SYTL2: variants seen among roughly 807,000 people sequenced by gnomAD.
SYTL2 encodes the protein synaptotagmin like 2.
A neutral mutation model predicts 198.7 loss-of-function variants in SYTL2; 165 were observed. That is an observed-to-expected ratio of 0.83 (90% CI 0.73 to 0.94). The LOEUF (loss-of-function observed/expected upper bound fraction) is 0.94, where lower values mean the gene tolerates loss of function less well. Ranked by LOEUF, SYTL2 falls within the 40% of genes least tolerant of loss-of-function variation. The pLI, the probability that SYTL2 is intolerant of heterozygous loss-of-function variation, is 0.00. For synonymous variants in SYTL2, 966 were observed against 917.7 expected (o/e 1.05, Z -0.95); for missense variants, 2,835 against 2,582.8 (o/e 1.10, Z -2.12).
chr11:85,724,879 C>T lies in SYTL2; in HGVS notation c.4479G>A (p.Glu1493=), dbSNP rs114315885. 6.0e-5 allele frequency: 97 copies of T among 1,614,132 alleles called. No individual in the cohort carries two copies. In the East Asian group the frequency reaches 2.0e-3, roughly 34 times the overall value. ...CTAAGCCAGCACTGAATTCGAGGAA[C>T]TCTGATTTGGGTTGAACAATTGTTT... ...VRETIVQPKS[E]FLEFSAGLEK... is the part of the protein sequence containing the mutation. The change falls in exon 8 of 20, where the codon GAG becomes GAA. Residue 1493 remains glutamate (E), a synonymous_variant. Transcript: ENST00000359152.
chr11:85,804,318 G>A (rs1001353870), intron 1 of SYTL2, among the ~76,000 whole-genome samples: 2 of 152,142 alleles, frequency 1.3e-5, no homozygotes, highest in African/African-American at 2.4e-5. Context: ...TTGCAGCTTC[G>A]TACGTAATTT....
At chr11:85,816,351 T>G in the SYTL2 span, among the ~76,000 whole-genome samples, 9 of 152,264 alleles carry the variant, frequency 5.9e-5, no homozygotes, top group Non-Finnish European at 1.2e-4. Context: ...GAACAGATTT[T>G]GTTATTTTGT....
At chr11:85,853,389 G>A in the SYTL2 span, 2 of 432,034 alleles carry the variant, frequency 4.6e-6, no homozygotes, top group South Asian at 1.6e-5. Flanking sequence ...TGAAACATGT[G>A]CTGTGTCCAC....
At chr11:85,810,247 T>C (rs1359059307) in intron 1 of SYTL2, among the ~76,000 whole-genome samples, 1 of 152,020 alleles carries the variant, frequency 6.6e-6, no homozygotes, top group African/African-American at 2.4e-5. Flanking sequence ...AGAAGAACTT[T>C]TCATTAAGGC....
At position 85,705,038 on chromosome 11, in the gene SYTL2, A is replaced by T. The variant is rs2084912611; in HGVS notation, c.6019-10T>A. On this transcript the variant is annotated splice_polypyrimidine_tract_variant and intron_variant, in intron 15 of 19. Coordinates refer to ENST00000359152, the MANE Select transcript of SYTL2 (RefSeq NM_206927.4). The stretch of plus-strand genomic sequence containing the variant: ...GTTTTTCAATTTTATACTGAAGTTC[A>T]AAGAAGAAAATTAAATGATGAAAAA... 6.3e-7 allele frequency: 1 copy of T among 1,593,840 alleles called. No individual in the cohort carries two copies.
intron 12 of SYTL2, among the ~76,000 whole-genome samples, chr11:85,712,695 TAC>T (rs200738930): frequency 0.044 from 6,426 of 145,230 alleles, 226 homozygotes; most frequent in African/African-American, 0.099. Flanking sequence ...AAAATACATA[TAC>T]ACACACACAC....
chr11:85,700,573 T>C lies in SYTL2; in HGVS notation c.6210A>G (p.Glu2070=). The change falls in exon 17 of 20, where the codon GAA becomes GAG. Residue 2070 remains glutamate, a synonymous_variant. Coordinates refer to ENST00000359152, the MANE Select transcript of SYTL2 (RefSeq NM_206927.4). ...LKRKTAPVAL[E]AENRGEMKLA... ...GTTTCATTTCACCTCTGTTTTCTGC[T>C]TCAAGGGCAACTGGTGCTGTCTGAA... The C allele has an allele frequency of 5.0e-6, 8 of 1,614,010 alleles. No individual in the cohort carries two copies. In the East Asian group the frequency reaches 1.8e-4, roughly 36 times the overall value.
intron 1 of SYTL2, among the ~76,000 whole-genome samples, chr11:85,803,430 G>C (rs1281339145): frequency 6.6e-6 from 1 of 152,142 alleles, no homozygotes; most frequent in Non-Finnish European, 1.5e-5. Context: ...CTAGTCCTGG[G>C]TGGTGCTGCT....
Position 85,718,809 on chromosome 11 carries a change from T to G in SYTL2, c.5463A>C (p.Leu1821Phe), listed in dbSNP as rs114609010. The G allele has an allele frequency of 1.9e-6, 3 of 1,613,942 alleles. No homozygotes were observed. The highest frequency in any genetic ancestry group is 2.5e-6 in the Non-Finnish European group (3 of 1,179,868). ...ATTTACCATCTTCAGCACTACGCACTAATTCTTCTGGCTGATTATCTACTT... is the reference window on the plus strand; with the variant it reads ...ATTTACCATCTTCAGCACTACGCACGAATTCTTCTGGCTGATTATCTACTT... ...QAKVDNQPEE[L>F]VRSAEDDEKP... is the part of the protein sequence containing the mutation. Residue 1821 changes from leucine to phenylalanine, a missense_variant, in exon 10 of 20, where the codon TTA (leucine) becomes TTC (phenylalanine). Transcript: ENST00000359152.
In SYTL2 at chr11:85,726,379, A is replaced by C; in HGVS notation, c.2979T>G (p.Ala993=). The C allele has an allele frequency of 1.2e-6, 2 of 1,613,722 alleles. No individual in the cohort carries two copies. The highest frequency in any genetic ancestry group is 2.2e-5 in the East Asian group (1 of 44,878). ...ENLRKFWDLE[A]NSNSKDNDKN... ...TGTCATTATCCTTACTGTTTGAATT[A>C]GCTTCTAAGTCCCAAAACTTTCTCA... The change falls in exon 8 of 20, where the codon GCT becomes GCG. Residue 993 remains alanine, a synonymous_variant. Transcript: ENST00000359152.
chr11:85,727,486 TGG>T lies in SYTL2; in HGVS notation c.1870_1871del (p.Pro624LysfsTer11), dbSNP rs779083224. 2 of 1,536,000 alleles carry T rather than the reference TGG, an allele frequency of 1.3e-6. No homozygotes were observed. The highest frequency in any genetic ancestry group is 8.7e-7 in the Non-Finnish European group (1 of 1,146,906). ...GTTGCAATATACCTGGGCCTTCCTT[TGG>T]GGTGCCTTTTTGGGACAAATTCATG... is the stretch of plus-strand genomic sequence containing the variant. ...KFMNLSQKGT[P>X]KEGPGILQPF... is the part of the protein sequence containing the mutation. On this transcript the variant is annotated frameshift_variant, in exon 8 of 20. Coordinates refer to ENST00000359152, the MANE Select transcript of SYTL2 (RefSeq NM_206927.4). LOFTEE classifies it high-confidence loss of function.
At chr11:85,708,058 G>C (rs528927959) in intron 14 of SYTL2, 5 of 395,088 alleles carry the variant, frequency 1.3e-5, no homozygotes, top group Admixed American at 3.2e-5. Flanking sequence ...AGCTAGTCAG[G>C]AGGCTGAGGC....
At chr11:85,833,043 GA>G in the SYTL2 span, among the ~76,000 whole-genome samples, 1 of 23,008 alleles carries the variant, frequency 4.3e-5, no homozygotes, top group Non-Finnish European at 8.2e-5. Context: ...AAGAAAGAAA[GA>G]AAGAAAGAAA....
the SYTL2 span, among the ~76,000 whole-genome samples, chr11:85,823,901 TAGTC>T: frequency 6.6e-6 from 1 of 152,240 alleles, no homozygotes; most frequent in Admixed American, 6.5e-5. Context: ...ATGCTGTGGT[TAGTC>T]AGGTTGAACT....
At position 85,725,109 on chromosome 11, in the gene SYTL2, T is replaced by C; in HGVS notation, c.4249A>G (p.Ile1417Val). The stretch of plus-strand genomic sequence containing the variant: ...GTGTCCATCGTAGCCCATGGTGATA[T>C]CACTCCTGGAGGATTTAGGGGGCTA... ...VCSPLNPPGV[I>V]SPWATMDTIV... The change falls in exon 8 of 20, where the codon ATA becomes GTA. Residue 1417 changes from isoleucine (I) to valine (V), a missense_variant. Ile to Val is a conservative substitution (Grantham distance 29, BLOSUM62 3). Around this residue, in one of 3 missense-constraint regions of SYTL2, gnomAD observed 2,645 missense variants for 2,381.7 expected, o/e 1.11. Transcript: ENST00000359152. The C allele has an allele frequency of 6.2e-7, 1 of 1,614,162 alleles. No homozygotes were observed.
At chr11:85,783,439 C>G (rs888559947) in intron 1 of SYTL2, among the ~76,000 whole-genome samples, 6 of 152,044 alleles carry the variant, frequency 3.9e-5, no homozygotes, top group Non-Finnish European at 7.4e-5. Flanking sequence ...GGGGACATAG[C>G]CAAACCATAT....
rs773658113 is a variant in SYTL2, at chr11:85,745,749, T to C, written c.277A>G (p.Asn93Asp). ...IAAEQSKDRE[N>D]GAKESWVNNV... ...TTCACCCAGCTTTCCTTTGCCCCATTTTCTCTGTCTTTACTCTGCTCAGCT... is the reference window on the plus strand; with the variant it reads ...TTCACCCAGCTTTCCTTTGCCCCATCTTCTCTGTCTTTACTCTGCTCAGCT... The change falls in exon 4 of 20, where the codon AAT becomes GAT. Residue 93 changes from asparagine (N) to aspartate (D), a missense_variant. By Grantham distance (23) the Asn-to-Asp change is conservative. Around this residue, in one of 3 missense-constraint regions of SYTL2, gnomAD observed 2,645 missense variants for 2,381.7 expected, o/e 1.11. Coordinates refer to ENST00000359152, the MANE Select transcript of SYTL2 (RefSeq NM_206927.4). The C allele has an allele frequency of 3.1e-6, 5 of 1,613,396 alleles. No homozygotes were observed. Among genetic ancestry groups the C allele is most frequent in the Non-Finnish European group, 4.2e-6 (5 of 1,179,548 alleles).
At chr11:85,761,394 A>G (rs2092093032) in intron 1 of SYTL2, among the ~76,000 whole-genome samples, 1 of 152,128 alleles carries the variant, frequency 6.6e-6, no homozygotes, top group Non-Finnish European at 1.5e-5. Flanking sequence ...CTGAGGTGGG[A>G]GTTGTCTGGC....
chr11:85,792,417 G>T (rs7123846), intron 1 of SYTL2, among the ~76,000 whole-genome samples: 65,437 of 151,752 alleles, frequency 0.43, 15,155 homozygotes, highest in African/African-American at 0.58. Flanking sequence ...ATTAACTTTG[G>T]AGCCCATTTA....
Sources: allele counts gnomAD v4.1 joint callset (sites outside exome capture counted in the v4.1 genomes callset), GRCh38; gene constraint gnomAD v4.1.1; regional missense constraint gnomAD v4.1.1; transcripts MANE v1.5; gene names NCBI Gene and HGNC (gene_info 2026-07-23, HGNC 2026-07-21).